The following BRAF variants were observed in gnomAD, a reference collection of about 807,000 sequenced individuals.
BRAF encodes the protein B-Raf proto-oncogene, serine/threonine kinase, also known as serine/threonine-protein kinase B-raf.
In BRAF, 16 loss-of-function variants were observed where a neutral mutation model predicts 104.6. That is an observed-to-expected ratio of 0.15 (90% CI 0.10 to 0.23). The LOEUF (loss-of-function observed/expected upper bound fraction) is 0.23, where lower values mean the gene tolerates loss of function less well. BRAF is among the 10% of genes least tolerant of loss of function. The pLI, the probability that BRAF is intolerant of heterozygous loss-of-function variation, is 1.00. For synonymous variants in BRAF, 310 were observed against 341.6 expected (o/e 0.91, Z 1.02); for missense variants, 541 against 937.3 (o/e 0.58, Z 5.52).
intron 1 of BRAF, among the ~76,000 whole-genome samples, chr7:140,891,983 G>A (rs763851508): frequency 5.3e-5 from 8 of 152,198 alleles, no homozygotes; most frequent in Admixed American, 1.3e-4. Flanking sequence ...AAGGCCAGGT[G>A]CAGTGGCTAA....
rs10247265 is a variant in BRAF at position 140,903,664 on chromosome 7, G to A, written c.138+20902C>T. Among the ~76,000 whole-genome samples the A allele has an allele frequency of 5.6e-3, 854 of 152,322 alleles. 6 individuals are homozygous for A. The highest frequency in any genetic ancestry group is 0.019 in the African/African-American group (800 of 41,554). On this transcript the variant is annotated intron_variant, in intron 1 of 19. Coordinates refer to ENST00000644969, the MANE Select transcript of BRAF (RefSeq NM_001374258.1). ...CCATAGATATCGTTATTACTCTGAT[G>A]GATCTGGGCAACATTAATTGAAAGC...
chr7:140,915,767 T>G (rs745926784), intron 1 of BRAF, among the ~76,000 whole-genome samples: 2 of 151,274 alleles, frequency 1.3e-5, no homozygotes, highest in African/African-American at 4.9e-5. Context: ...ATATCCACAC[T>G]TCTTTACTTT....
intron 14 of BRAF, among the ~76,000 whole-genome samples, chr7:140,776,335 G>T (rs1244689196): frequency 6.6e-6 from 1 of 151,970 alleles, no homozygotes; most frequent in Non-Finnish European, 1.5e-5. Flanking sequence ...CTATTCATTT[G>T]CACTTAAGAG....
At chr7:140,875,312 A>C (rs925381390) in intron 1 of BRAF, among the ~76,000 whole-genome samples, 1 of 152,224 alleles carries the variant, frequency 6.6e-6, no homozygotes, top group African/African-American at 2.4e-5. Flanking sequence ...TGAATCCAAA[A>C]ATGGATAAAT....
At chr7:140,897,553 T>C (rs1031911178) in intron 1 of BRAF, among the ~76,000 whole-genome samples, 2 of 145,156 alleles carry the variant, frequency 1.4e-5, no homozygotes, top group Non-Finnish European at 3.0e-5. Context: ...TGGAGTGCAG[T>C]GGCACAATCT....
At chr7:140,729,636 C>T (rs184928534) in intron 19 of BRAF, among the ~76,000 whole-genome samples, 5 of 151,876 alleles carry the variant, frequency 3.3e-5, no homozygotes, top group South Asian at 2.1e-4. Context: ...AAAAAAATTA[C>T]GTGTGGTGCC....
Position 140,834,682 on chromosome 7 carries a change from A to G in BRAF, c.431T>C (p.Val144Ala), listed in dbSNP as rs1807125454. 6.2e-7 allele frequency: 1 copy of G among 1,614,154 alleles called. No individual in the cohort carries two copies. ...SLSVFQNPTD[V>A]ARSNPKSPQK... is the part of the protein sequence containing the mutation. ...TGGTGACTTGGGGTTGCTCCGTGCC[A>G]CATCTGTGGGATTTTGAAAAACTGA... is the stretch of plus-strand genomic sequence containing the variant. Residue 144 changes from valine (V) to alanine (A), a missense_variant, in exon 3 of 20, where the codon GTG becomes GCG. Physicochemically the swap from Val to Ala is moderately conservative, Grantham distance 64 (BLOSUM62 0). Transcript: ENST00000644969.
At position 140,739,838 on chromosome 7, in the gene BRAF, T is replaced by C. The variant is rs886041257; in HGVS notation, c.2221A>G (p.Arg741Gly). Residue 741 changes from arginine (R) to glycine (G), a missense_variant, in exon 18 of 20, where the codon AGA becomes GGA. Arg to Gly is a moderately radical substitution (Grantham distance 125). Transcript: ENST00000644969. ...TGGGGAAAGAGTGGTCTCTCATCTCTTTTCTTTTTGAGGCACTCTGCCATT... is the reference window on the plus strand; with the variant it reads ...TGGGGAAAGAGTGGTCTCTCATCTCCTTTCTTTTTGAGGCACTCTGCCATT... ...RLMAECLKKK[R>G]DERPLFPQIL... 3 of 1,612,650 alleles carry C rather than the reference T, an allele frequency of 1.9e-6. No homozygotes were observed. Among genetic ancestry groups the C allele is most frequent in the Non-Finnish European group, 2.5e-6 (3 of 1,179,954 alleles).
chr7:140,774,842 G>A (rs1279086132), intron 14 of BRAF, among the ~76,000 whole-genome samples: 1 of 152,142 alleles, frequency 6.6e-6, no homozygotes, highest in African/African-American at 2.4e-5. Flanking sequence ...GATGTGAGAA[G>A]GATTTGGCAT....
chr7:140,913,173 C>T (rs929528564), intron 1 of BRAF, among the ~76,000 whole-genome samples: 1 of 151,850 alleles, frequency 6.6e-6, no homozygotes. Context: ...ACTTTCATTG[C>T]TCCACAGCAC....
intron 2 of BRAF, among the ~76,000 whole-genome samples, chr7:140,841,538 T>C (rs1807969700): frequency 6.6e-6 from 1 of 152,192 alleles, no homozygotes. Context: ...TATATGTGTA[T>C]GATGAAATAT....
At chr7:140,717,103 T>G (rs1321315241), downstream of BRAF, among the ~76,000 whole-genome samples, 1 of 152,212 alleles carries the variant, frequency 6.6e-6, no homozygotes, top group East Asian at 1.9e-4. Flanking sequence ...CTCACTGTCA[T>G]GGAGTCAATA....
At chr7:140,797,735 T>A (rs189821285) in intron 7 of BRAF, among the ~76,000 whole-genome samples, 1 of 152,310 alleles carries the variant, frequency 6.6e-6, no homozygotes, top group Non-Finnish European at 1.5e-5. Flanking sequence ...GCTAATTTCA[T>A]TAGGGTGTTT....
intron 1 of BRAF, among the ~76,000 whole-genome samples, chr7:140,874,352 C>A (rs369939764): frequency 1.1e-4 from 16 of 151,910 alleles, no homozygotes; most frequent in African/African-American, 3.6e-4. Flanking sequence ...CAGGCACGCG[C>A]CACCATGTCC....
intron 1 of BRAF, among the ~76,000 whole-genome samples, chr7:140,882,758 C>T (rs987131439): frequency 2.0e-5 from 3 of 151,626 alleles, no homozygotes; most frequent in African/African-American, 7.3e-5. Context: ...TTTGGGAGGC[C>T]GAGGCGGGTG....
Position 140,724,228 on chromosome 7 carries a change from C to T in BRAF, c.*2266G>A. 3 of 1,059,220 alleles carry T rather than the reference C, an allele frequency of 2.8e-6. No homozygotes were observed. The highest frequency in any genetic ancestry group is 3.4e-6 in the Non-Finnish European group (3 of 875,514). The allele number at this position is 1,059,220 out of a possible 1,614,324, so 65.6% of individuals were successfully genotyped here. ...CTGCCCCTGCCCCACGGAGGCAGTC[C>T]CGGACCCAGGCTGCACATGTTCTAC... is the stretch of plus-strand genomic sequence containing the variant. On this transcript the variant is annotated 3_prime_UTR_variant, in exon 20 of 20. Transcript: ENST00000644969.
intron 6 of BRAF, 24 bp from the exon 7 acceptor site, chr7:140,800,505 CT>C (rs1205122721): frequency 6.2e-7 from 1 of 1,613,806 alleles, no homozygotes; most frequent in Non-Finnish European, 8.5e-7. Flanking sequence ...CAAAACAAAC[CT>C]AACTTGTGCA....
chr7:140,799,018 T>C, intron 7 of BRAF: 1 of 174,616 alleles, frequency 5.7e-6, no homozygotes, highest in African/African-American at 2.4e-5. Flanking sequence ...GCTAATTTTT[T>C]TTTTTTTGTA....
rs567603412 is a variant in BRAF, at chr7:140,719,605, G to A, written c.*6889C>T. On this transcript the variant is annotated 3_prime_UTR_variant, in exon 20 of 20. Transcript: ENST00000644969. ...AGAGAACCAAAGTATCAGGAAGTGG[G>A]TATGGGGGAGAATTAAAAAAAATAA... 6 of 1,061,620 alleles carry A rather than the reference G, an allele frequency of 5.7e-6. No homozygotes were observed. Among genetic ancestry groups the A allele is most frequent in the South Asian group, 9.1e-5 (2 of 21,940 alleles). The allele number at this position is 1,061,620 out of a possible 1,614,324, so 65.8% of individuals were successfully genotyped here. A position where few individuals can be genotyped will look rare whatever the true frequency, so the allele number is the denominator to read the frequency against.
Sources: gnomAD v4.1 joint callset for allele counts (sites outside exome capture counted in the v4.1 genomes callset) on GRCh38, gnomAD v4.1.1 for gene constraint, MANE v1.5 for transcripts, NCBI Gene and HGNC (gene_info 2026-07-23, HGNC 2026-07-21) for gene names.